TAF9B: variants seen among roughly 807,000 people sequenced by gnomAD.
The protein encoded by TAF9B is TATA-box binding protein associated factor 9b, also known as transcription initiation factor TFIID subunit 9B.
Under a neutral mutation model 17.6 loss-of-function variants are expected in TAF9B, and 47 were observed. The ratio of observed to expected loss-of-function variants is 2.68; its 90% confidence interval spans 2.12 to 3.41. TAF9B has a LOEUF of 3.41. Ranked by LOEUF, TAF9B falls within the 30% of genes most tolerant of loss-of-function variation. TAF9B has a pLI of 0.00. For missense variants in TAF9B, 218 were observed against 189.3 expected, an observed-to-expected ratio of 1.15 and a Z score of -0.89; for synonymous variants, 84 against 68.7, an observed-to-expected ratio of 1.22 and a Z score of -1.10.
In TAF9B at chrX:78,137,841, G is replaced by A. The variant is rs1158379130; in HGVS notation, c.313C>T (p.Pro105Ser). The A allele has an allele frequency of 8.3e-7, 1 of 1,207,802 alleles. No individual in the cohort carries two copies. Among genetic ancestry groups the A allele is most frequent in the Non-Finnish European group, 1.1e-6 (1 of 894,643 alleles). The change falls in exon 4 of 7, where the codon CCA becomes TCA. Residue 105 changes from proline (P) to serine (S), a missense_variant. Transcript: ENST00000341864. ...GGTCCTGCATATGGCTTAATCAGTG[G>A]CAAAGGGGTTTGATTTTTCTGCCTT... Reference protein sequence around the residue: ...IARQKNQTPLPLIKPYAGPRL... With the variant: ...IARQKNQTPLSLIKPYAGPRL...
rs1569551019 is a variant in TAF9B, at chrX:78,133,436, G to GT, written c.493dup (p.Thr165AsnfsTer7). 8.3e-7 allele frequency: 1 copy of GT among 1,203,634 alleles called. No homozygotes were observed. ...TGCAACTTTATTTGGGACAGACACC[G>GT]TTTGTGGGGTTGCTGTAGTTACAAT... On this transcript the variant is annotated frameshift_variant, in exon 6 of 7. Transcript: ENST00000341864. LOFTEE classifies it high-confidence loss of function.
At position 78,137,762 on chromosome X, in the gene TAF9B, G is replaced by A. The variant is rs782776352; in HGVS notation, c.392C>T (p.Ser131Phe). Residue 131 changes from serine to phenylalanine, a missense_variant, in exon 4 of 7, where the codon TCC becomes TTC. Coordinates refer to ENST00000341864, the MANE Select transcript of TAF9B (RefSeq NM_015975.5). Reference protein sequence around the residue: ...CLTAPNYRLKSLIKKGPNQGR... With the variant: ...CLTAPNYRLKFLIKKGPNQGR... ...AAAATTTCTTACCTTTTTAATTAAG[G>A]ACTTCAGCCTATAGTTTGGAGCTGT... 37 of 1,185,911 alleles carry A rather than the reference G, an allele frequency of 3.1e-5. No homozygotes were observed. Among genetic ancestry groups the A allele is most frequent in the Non-Finnish European group, 2.7e-5 (24 of 888,187 alleles).
At chrX:78,135,949 T>G (rs1252236219) in intron 5 of TAF9B, among the ~76,000 whole-genome samples, 1 of 111,919 alleles carries the variant, frequency 8.9e-6, no homozygotes, top group East Asian at 2.8e-4. Flanking sequence ...CAAACTGGTT[T>G]TACAATGCTG....
intron 5 of TAF9B, among the ~76,000 whole-genome samples, chrX:78,135,628 A>C (rs782338047): frequency 6.2e-4 from 69 of 111,097 alleles, no homozygotes; most frequent in African/African-American, 2.1e-3. Flanking sequence ...ACAAAAAAAA[A>C]CTTGCATCTT....
At chrX:78,139,428 C>T in intron 1 of TAF9B, 133 bp downstream of exon 1, 2 of 966,677 alleles carry the variant, frequency 2.1e-6, no homozygotes, top group Non-Finnish European at 2.9e-6. Context: ...TCCCCATCAC[C>T]CTCTCCTCCT....
rs2078440796 is a variant in TAF9B at position 78,137,961 on chromosome X, C to T, written c.270+1G>A. Reference sequence around the variant, plus strand: ...ATAACTTCAAATCAAAGTTTGCTCACATCTCTTGGGGGAGGAGAGGTAAAA... The same window carrying T: ...ATAACTTCAAATCAAAGTTTGCTCATATCTCTTGGGGGAGGAGAGGTAAAA... On this transcript the variant is annotated splice_donor_variant, in intron 3 of 6. Transcript: ENST00000341864. LOFTEE classifies it high-confidence loss of function. 4.1e-6 allele frequency: 5 copies of T among 1,206,309 alleles called. No homozygotes were observed. Among genetic ancestry groups the T allele is most frequent in the African/African-American group, 1.7e-5 (1 of 57,473 alleles).
intron 4 of TAF9B, 116 bp from the exon 5 acceptor site, chrX:78,137,106 TTTTG>T (rs2078437068): frequency 3.8e-6 from 2 of 522,039 alleles, no homozygotes; most frequent in South Asian, 6.9e-5. Context: ...AAAGTCCTGT[TTTTG>T]TTCTCTCAGT....
rs782104969 is a variant in TAF9B, at chrX:78,131,633, C to G, written c.733G>C (p.Asp245His). The G allele has an allele frequency of 2.7e-5, 33 of 1,209,085 alleles. 1 individual carries two copies. In the South Asian group the frequency reaches 5.6e-4, roughly 21 times the overall value. Residue 245 changes from aspartate (D) to histidine (H), a missense_variant, in exon 7 of 7, where the codon GAT becomes CAT. Asp to His is a moderately conservative substitution (Grantham distance 81). Transcript: ENST00000341864. ...CCTTACATAATATCATTGTCATCAT[C>G]ATCTTCATGTTTTCTCTTCAGTGGG... ...ANPLKRKHED[D>H]DDNDIM
Position 78,139,643 on chromosome X carries a change from G to C in TAF9B, c.-32C>G. 1.7e-6 allele frequency: 2 copies of C among 1,209,055 alleles called. No individual in the cohort carries two copies. Among genetic ancestry groups the C allele is most frequent in the Non-Finnish European group, 1.1e-6 (1 of 893,916 alleles). ...CAGCCACTCGTCATCCGCGGAGACA[G>C]AGGAGAGAGGAGAGCTCGCGGGCTC... is the stretch of plus-strand genomic sequence containing the variant. On this transcript the variant is annotated 5_prime_UTR_variant, in exon 1 of 7. Coordinates refer to ENST00000341864, the MANE Select transcript of TAF9B (RefSeq NM_015975.5).
rs2078436984 is a variant in TAF9B at position 78,137,079 on chromosome X, G to C, written c.406-89C>G. Reference sequence around the variant, plus strand: ...TAGGATTGCTGATGTAAATGATTATGGATAATCCATGGCAAGAAAGTCCTG... The same window carrying C: ...TAGGATTGCTGATGTAAATGATTATCGATAATCCATGGCAAGAAAGTCCTG... On this transcript the variant is annotated intron_variant, in intron 4 of 6. Transcript: ENST00000341864. 4.4e-6 allele frequency: 3 copies of C among 674,896 alleles called. No homozygotes were observed. In the South Asian group the frequency reaches 8.6e-5, roughly 19 times the overall value. The allele number at this position is 674,896 out of a possible 1,213,427, so 55.6% of individuals were successfully genotyped here.
At chrX:78,133,518 C>G (rs1375732716) in intron 5 of TAF9B, 70 bp from the exon 6 acceptor site, 6 of 762,582 alleles carry the variant, frequency 7.9e-6, no homozygotes, top group Non-Finnish European at 1.0e-5. Context: ...ACTCAGCTTA[C>G]CGCAAACTAT....
At chrX:78,134,975 CAG>C (rs1258927938) in intron 5 of TAF9B, among the ~76,000 whole-genome samples, 2 of 98,974 alleles carry the variant, frequency 2.0e-5, no homozygotes, top group African/African-American at 7.5e-5. Flanking sequence ...TTTTTTGAGA[CAG>C]AGTCTTACTC....
rs781984337 is a variant in TAF9B, at chrX:78,134,081, TCA to T, written c.482-635_482-634del. On this transcript the variant is annotated intron_variant, in intron 5 of 6. Transcript: ENST00000341864. ...CAGAAAATTTATTCCCTTTCTGTGT[TCA>T]GATACTTTTTAAGCAGAAAAATATC... Among the ~76,000 whole-genome samples, 148 of 111,761 alleles carry T rather than the reference TCA, an allele frequency of 1.3e-3. 1 individual carries two copies. The highest frequency in any genetic ancestry group is 4.7e-3 in the African/African-American group (145 of 30,831).
In TAF9B at chrX:78,136,930, T is replaced by G. The variant is rs368761250; in HGVS notation, c.466A>C (p.Thr156Pro). 4 of 1,200,885 alleles carry G rather than the reference T, an allele frequency of 3.3e-6. No homozygotes were observed. The highest frequency in any genetic ancestry group is 1.8e-5 in the African/African-American group (1 of 57,109). ...TCTCACTTACCTATAGTAGGAGTAG[T>G]AGGTTTGCTACTAACAGCACCAACA... ...LSVGAVSSKPTTPTIATPQTV... is the reference protein window; with the variant it reads ...LSVGAVSSKPPTPTIATPQTV... Residue 156 changes from threonine (T) to proline (P), a missense_variant, in exon 5 of 7, where the codon ACT (threonine) becomes CCT (proline). Coordinates refer to ENST00000341864, the MANE Select transcript of TAF9B (RefSeq NM_015975.5).
At chrX:78,138,219 A>G (rs930775825) in intron 2 of TAF9B, 121 bp from the exon 3 acceptor site, 1 of 806,113 alleles carries the variant, frequency 1.2e-6, no homozygotes, top group Non-Finnish European at 1.8e-6. Flanking sequence ...GGGTTTTTGT[A>G]GAGACAGGGT....
intron 1 of TAF9B, among the ~76,000 whole-genome samples, chrX:78,139,330 G>A (rs1324676165): frequency 9.0e-6 from 1 of 111,731 alleles, no homozygotes; most frequent in Non-Finnish European, 1.9e-5. Context: ...ACAAAGCTGG[G>A]CAGCCGTTCC....
intron 4 of TAF9B, 31 bp from the exon 5 acceptor site, chrX:78,137,021 A>C: frequency 1.0e-6 from 1 of 1,002,174 alleles, no homozygotes; most frequent in Non-Finnish European, 1.4e-6. Context: ...ATTAATGTTA[A>C]GATGTGACAC....
In TAF9B at chrX:78,137,007, A is replaced by G; in HGVS notation, c.406-17T>C. 8.9e-7 allele frequency: 1 copy of G among 1,121,722 alleles called. No homozygotes were observed. Among genetic ancestry groups the G allele is most frequent in the Non-Finnish European group, 1.2e-6 (1 of 818,628 alleles). The allele number at this position is 1,121,722 out of a possible 1,213,427, so 92.4% of individuals were successfully genotyped here. On this transcript the variant is annotated splice_polypyrimidine_tract_variant and intron_variant, in intron 4 of 6. Transcript: ENST00000341864. ...GTTAGGTCCCTAGGGGATTTAAAAA[A>G]CAAATTAATGTTAAGATGTGACACC... is the stretch of plus-strand genomic sequence containing the variant.
rs782594614 is a variant in TAF9B, at chrX:78,131,631, ATCATCT to A, written c.729_734del (p.Glu243_Asp244del). 16 of 1,209,096 alleles carry A rather than the reference ATCATCT, an allele frequency of 1.3e-5. No homozygotes were observed. In the African/African-American group the frequency reaches 2.1e-4, roughly 16 times the overall value. On this transcript the variant is annotated inframe_deletion, in exon 7 of 7. Coordinates refer to ENST00000341864, the MANE Select transcript of TAF9B (RefSeq NM_015975.5). ...TTCCTTACATAATATCATTGTCATCATCATCTTCATGTTTTCTCTTCAGTGGGTTTG... is the reference window on the plus strand; with the variant it reads ...TTCCTTACATAATATCATTGTCATCATCATGTTTTCTCTTCAGTGGGTTTG...
Sources: allele counts gnomAD v4.1 joint callset (sites outside exome capture counted in the v4.1 genomes callset), GRCh38; gene constraint gnomAD v4.1.1; transcripts MANE v1.5; gene names NCBI Gene and HGNC (gene_info 2026-07-23, HGNC 2026-07-21).